PKIB: variants seen among roughly 807,000 people sequenced by gnomAD.
PKIB encodes cAMP-dependent protein kinase inhibitor beta, also known as PKI-beta.
A neutral mutation model predicts 4.5 loss-of-function variants in PKIB; 2 were observed. That is an observed-to-expected ratio of 0.44 (90% CI 0.18 to 1.39). The LOEUF (loss-of-function observed/expected upper bound fraction) is 1.39. PKIB is among the 40% of genes most tolerant of loss of function. The pLI is 0.27. For synonymous variants in PKIB, 38 were observed against 36.0 expected (o/e 1.06, Z -0.20); for missense variants, 94 against 92.6 (o/e 1.02, Z -0.06).
intron 3 of PKIB, among the ~76,000 whole-genome samples, chr6:122,699,795 T>C (rs918763481): frequency 6.6e-6 from 1 of 152,210 alleles, no homozygotes; most frequent in African/African-American, 2.4e-5. Flanking sequence ...TCCATGTCCA[T>C]TATGGGATAT....
At chr6:122,613,509 A>G (rs1466065278) in intron 1 of PKIB, among the ~76,000 whole-genome samples, 2 of 152,102 alleles carry the variant, frequency 1.3e-5, no homozygotes, top group Non-Finnish European at 2.9e-5. Context: ...CCATTAGTAC[A>G]TGTTCCTCTA....
intron 2 of PKIB, among the ~76,000 whole-genome samples, chr6:122,641,197 AAAT>A (rs1018536637): frequency 5.9e-5 from 9 of 152,328 alleles, no homozygotes; most frequent in Non-Finnish European, 1.0e-4. Flanking sequence ...TAACTTACAA[AAAT>A]AATATCACAC....
intron 2 of PKIB, among the ~76,000 whole-genome samples, chr6:122,583,892 A>T (rs1773778522): frequency 6.6e-6 from 1 of 152,236 alleles, no homozygotes; most frequent in East Asian, 1.9e-4. Flanking sequence ...ATGCTGGGCT[A>T]TGCCCCTTTT....
chr6:122,505,465 C>T (rs1776368755), intron 2 of PKIB, among the ~76,000 whole-genome samples: 1 of 152,092 alleles, frequency 6.6e-6, no homozygotes, highest in Admixed American at 6.5e-5. Context: ...GGTCTCTCTC[C>T]AGAGGTGTCT....
chr6:122,570,116 G>A (rs1323660053), intron 2 of PKIB, among the ~76,000 whole-genome samples: 2 of 152,160 alleles, frequency 1.3e-5, no homozygotes, highest in Non-Finnish European at 2.9e-5. Flanking sequence ...TTCATGAGAG[G>A]CAGAGTCACA....
At chr6:122,542,457 C>T (rs1777635699) in intron 2 of PKIB, among the ~76,000 whole-genome samples, 1 of 152,124 alleles carries the variant, frequency 6.6e-6, no homozygotes, top group African/African-American at 2.4e-5. Flanking sequence ...ACTCCAGACT[C>T]TGTTTGCCTG....
intron 2 of PKIB, among the ~76,000 whole-genome samples, chr6:122,653,830 G>A (rs1456534270): frequency 6.6e-6 from 1 of 151,972 alleles, no homozygotes; most frequent in East Asian, 1.9e-4. Context: ...GCATGGTGAC[G>A]CACTGTAGTC....
At chr6:122,678,712 A>G (rs953351610) in intron 3 of PKIB, among the ~76,000 whole-genome samples, 1 of 152,196 alleles carries the variant, frequency 6.6e-6, no homozygotes, top group African/African-American at 2.4e-5. Flanking sequence ...TAAGTATGAA[A>G]ATTGTTGCAG....
intron 4 of PKIB, among the ~76,000 whole-genome samples, chr6:122,724,095 G>T (rs1369662982): frequency 6.6e-6 from 1 of 152,132 alleles, no homozygotes; most frequent in Non-Finnish European, 1.5e-5. Context: ...GACCTAAATA[G>T]TTTCACTTAA....
chr6:122,589,071 T>C (rs969560740), intron 3 of PKIB, among the ~76,000 whole-genome samples: 1 of 152,116 alleles, frequency 6.6e-6, no homozygotes, highest in Non-Finnish European at 1.5e-5. Flanking sequence ...GGAATATCTC[T>C]TCAACTAAGA....
intron 2 of PKIB, among the ~76,000 whole-genome samples, chr6:122,670,153 CT>C: frequency 6.6e-6 from 1 of 152,166 alleles, no homozygotes; most frequent in East Asian, 1.9e-4. Flanking sequence ...ATTCCCTTCT[CT>C]TTCAGTATGT....
intron 2 of PKIB, among the ~76,000 whole-genome samples, chr6:122,533,636 A>G (rs1777324949): frequency 6.6e-6 from 1 of 152,184 alleles, no homozygotes; most frequent in African/African-American, 2.4e-5. Flanking sequence ...TTATGTTTTA[A>G]AATCAATGCG....
intron 1 of PKIB, among the ~76,000 whole-genome samples, chr6:122,625,190 A>G (rs1475323939): frequency 2.6e-5 from 4 of 152,316 alleles, no homozygotes; most frequent in African/African-American, 9.6e-5. Flanking sequence ...ATGTTTAACT[A>G]CTTGTATAAA....
At chr6:122,521,620 C>T (rs1776950738) in intron 2 of PKIB, among the ~76,000 whole-genome samples, 1 of 152,030 alleles carries the variant, frequency 6.6e-6, no homozygotes, top group Admixed American at 6.6e-5. Flanking sequence ...GCGGAGCTTG[C>T]AGTGAGCTGA....
At chr6:122,653,693 G>A (rs557964380) in intron 2 of PKIB, among the ~76,000 whole-genome samples, 224 of 151,928 alleles carry the variant, frequency 1.5e-3, no homozygotes, top group African/African-American at 5.2e-3. Context: ...AGGCGCAGTG[G>A]CTCCCGCCTG....
chr6:122,585,436 C>T (rs1168849171), intron 2 of PKIB: 1 of 152,080 alleles, frequency 6.6e-6, no homozygotes. Flanking sequence ...AGTTGTTGGG[C>T]TAAAGCTAAA....
chr6:122,474,507 A>G (rs892203019), intron 1 of PKIB, among the ~76,000 whole-genome samples: 3 of 152,234 alleles, frequency 2.0e-5, no homozygotes, highest in African/African-American at 7.2e-5. Flanking sequence ...CCCTCCTAGA[A>G]TATCTTTTCT....
intron 2 of PKIB, chr6:122,482,097 A>T (rs541152122): frequency 6.6e-6 from 1 of 152,152 alleles, no homozygotes; most frequent in East Asian, 1.9e-4. Flanking sequence ...AGTAGCTGGG[A>T]CTACAGGCGC....
chr6:122,595,464 C>T (rs1040577210), intron 3 of PKIB, among the ~76,000 whole-genome samples: 1 of 152,134 alleles, frequency 6.6e-6, no homozygotes, highest in South Asian at 2.1e-4. Flanking sequence ...AATATCATGA[C>T]AGTGGATAAG....
Sources: allele counts gnomAD v4.1 joint callset (sites outside exome capture counted in the v4.1 genomes callset), GRCh38; gene constraint gnomAD v4.1.1; transcripts MANE v1.5; gene names NCBI Gene and HGNC (gene_info 2026-07-23, HGNC 2026-07-21).